The following WWTR1 variants were observed in gnomAD, a reference collection of about 807,000 sequenced individuals.
WWTR1 encodes the protein WW domain-containing transcription regulator protein 1.
A neutral mutation model predicts 40.1 loss-of-function variants in WWTR1; 13 were observed. The ratio of observed to expected loss-of-function variants is 0.32; its 90% CI spans 0.21 to 0.52. The LOEUF (loss-of-function observed/expected upper bound fraction) is 0.52. WWTR1 is among the 20% of genes least tolerant of loss of function. The probability of loss-of-function intolerance (pLI) is 0.97; values close to 1 mark genes in which losing one functional copy is unlikely to be tolerated. For synonymous variants in WWTR1, 230 were observed against 210.1 expected (o/e 1.09, Z -0.82); for missense variants, 436 against 523.1 (o/e 0.83, Z 1.63).
rs191804644 is a variant in WWTR1, at chr3:149,549,448, G to A, written c.569-6911C>T. Among the ~76,000 whole-genome samples the A allele has an allele frequency of 1.8e-4, 27 of 152,268 alleles. No homozygotes were observed. In the East Asian group the frequency reaches 4.6e-3, roughly 26 times the overall value. On this transcript the variant is annotated intron_variant, in intron 3 of 6. Coordinates refer to ENST00000360632, the MANE Select transcript of WWTR1 (RefSeq NM_015472.6). ...AATAGAAAGGCATCTTACAAAATAC[G>A]AAAGCAACACTCCTTAAAACTATTG...
At chr3:149,590,399 C>T (rs1328846141) in intron 2 of WWTR1, among the ~76,000 whole-genome samples, 1 of 152,082 alleles carries the variant, frequency 6.6e-6, no homozygotes, top group Non-Finnish European at 1.5e-5. Context: ...CCTGTAATCC[C>T]AGCACTTTGG....
At chr3:149,597,287 C>T (rs1739039391) in intron 2 of WWTR1, among the ~76,000 whole-genome samples, 1 of 151,834 alleles carries the variant, frequency 6.6e-6, no homozygotes, top group Admixed American at 6.6e-5. Flanking sequence ...TTCTCTATGC[C>T]TTAAGGATCC....
chr3:149,650,165 C>T (rs1712783396), intron 2 of WWTR1: 2 of 152,158 alleles, frequency 1.3e-5, no homozygotes, highest in Non-Finnish European at 2.9e-5. Context: ...AATGACAGTT[C>T]CAAATAGCAT....
upstream of WWTR1, among the ~76,000 whole-genome samples, chr3:149,703,813 A>G (rs1219778687): frequency 2.0e-5 from 3 of 152,162 alleles, no homozygotes; most frequent in Non-Finnish European, 4.4e-5. Flanking sequence ...CATGTGACAC[A>G]TCAGCTCCCC....
chr3:149,676,513 G>C (rs1714264611), intron 1 of WWTR1, among the ~76,000 whole-genome samples: 1 of 152,268 alleles, frequency 6.6e-6, no homozygotes, highest in African/African-American at 2.4e-5. Flanking sequence ...CCTGTCTGAT[G>C]ATGGTAAGCA....
intron 2 of WWTR1, among the ~76,000 whole-genome samples, chr3:149,616,102 A>T (rs1286183639): frequency 6.6e-6 from 1 of 152,178 alleles, no homozygotes; most frequent in Non-Finnish European, 1.5e-5. Flanking sequence ...TCAAATAAGC[A>T]TAAACATCCA....
chr3:149,573,000 A>T lies in WWTR1; in HGVS notation c.432T>A (p.Asn144Lys). 1 of 1,583,576 alleles carries T rather than the reference A, an allele frequency of 6.3e-7. No individual in the cohort carries two copies. Among genetic ancestry groups the T allele is most frequent in the Non-Finnish European group, 8.5e-7 (1 of 1,171,718 alleles). The part of the protein sequence containing the change: ...FTATGQRYFL[N>K]HIEKITTWQD... ...GCCATGTGGTGATTTTTTCTATGTG[A>T]CTAAAAGAAGGAAAACAATTAATTA... The change falls in exon 3 of 7, where the codon AAT becomes AAA. Residue 144 changes from asparagine to lysine, a missense_variant and splice_region_variant. Coordinates refer to ENST00000360632, the MANE Select transcript of WWTR1 (RefSeq NM_015472.6).
At chr3:149,642,133 G>A (rs903721042) in intron 2 of WWTR1, among the ~76,000 whole-genome samples, 10 of 152,104 alleles carry the variant, frequency 6.6e-5, no homozygotes, top group African/African-American at 2.2e-4. Context: ...TAAAATGTAC[G>A]AATGTGGCCG....
intron 2 of WWTR1, among the ~76,000 whole-genome samples, chr3:149,585,296 CT>C (rs1560072350): frequency 1.3e-5 from 2 of 152,242 alleles, no homozygotes; most frequent in East Asian, 3.9e-4. Flanking sequence ...CTACGCCAGG[CT>C]AATTTTTTTG....
rs182984796 is a variant in WWTR1 at position 149,684,749 on chromosome 3, A to G, written c.-107-14858T>C. On this transcript the variant is annotated intron_variant, in intron 1 of 7. Coordinates refer to the WWTR1 transcript ENST00000465804. ...CAGCTAATTTTTGTATTTTTTGTAG[A>G]GACGGGGTTTCACCATGTTGCTCAG... 2.6e-5 allele frequency among the ~76,000 whole-genome samples: 4 copies of G among 152,176 alleles called. No individual in the cohort carries two copies. The East Asian group carries it at 7.8e-4, about 29-fold the overall frequency.
chr3:149,566,825 A>C (rs992052117), intron 3 of WWTR1, among the ~76,000 whole-genome samples: 2 of 152,076 alleles, frequency 1.3e-5, no homozygotes, highest in South Asian at 2.1e-4. Context: ...AAAAAAAAAA[A>C]AACACACATG....
Position 149,542,429 on chromosome 3 carries a change from G to A in WWTR1, c.677C>T (p.Thr226Ile), listed in dbSNP as rs1159507123. 1.9e-6 allele frequency: 3 copies of A among 1,614,002 alleles called. No individual in the cohort carries two copies. The highest frequency in any genetic ancestry group is 2.2e-5 in the East Asian group (1 of 44,888). ...AGLMSMPNAL[T>I]TQQQQQQKLR... is the part of the protein sequence containing the mutation. ...TTTCTGCTGCTGCTGCTGCTGAGTG[G>A]TCAGCGCATTGGGCATACTCATGAG... Residue 226 changes from threonine to isoleucine, a missense_variant, in exon 4 of 7, where the codon ACC becomes ATC. Coordinates refer to ENST00000360632, the MANE Select transcript of WWTR1 (RefSeq NM_015472.6).
chr3:149,707,007 T>C (rs922712625), upstream of WWTR1, among the ~76,000 whole-genome samples: 3 of 152,142 alleles, frequency 2.0e-5, no homozygotes, highest in African/African-American at 4.8e-5. Context: ...GAATTTTCCA[T>C]ATTAATGTGT....
At chr3:149,567,875 C>A (rs1309497234) in intron 3 of WWTR1, among the ~76,000 whole-genome samples, 1 of 152,110 alleles carries the variant, frequency 6.6e-6, no homozygotes, top group African/African-American at 2.4e-5. Flanking sequence ...AAAACAGTCC[C>A]CACCCTCCAT....
At chr3:149,712,783 T>G (rs1473454788) in intron 5 of WWTR1, among the ~76,000 whole-genome samples, 1 of 152,188 alleles carries the variant, frequency 6.6e-6, no homozygotes, top group African/African-American at 2.4e-5. Context: ...TATTACTCAT[T>G]TTACTACTAG....
intron 5 of WWTR1, among the ~76,000 whole-genome samples, chr3:149,709,269 C>G (rs1715420441): frequency 1.3e-5 from 1 of 78,122 alleles, no homozygotes; most frequent in Non-Finnish European, 2.4e-5. Flanking sequence ...GCCATCATGT[C>G]TGGCCTTTTT....
At position 149,519,933 on chromosome 3, in the gene WWTR1, A is replaced by C. The variant is rs1350649462; in HGVS notation, c.*872T>G. On this transcript the variant is annotated 3_prime_UTR_variant, in exon 7 of 7. Coordinates refer to ENST00000360632, the MANE Select transcript of WWTR1 (RefSeq NM_015472.6). ...ATTCCAGCCTGGACAACAAGAGCAAAACTCGATCTCAAAAACAAACAAACA... is the reference window on the plus strand; with the variant it reads ...ATTCCAGCCTGGACAACAAGAGCAACACTCGATCTCAAAAACAAACAAACA... 1 of 151,864 alleles carries C rather than the reference A, an allele frequency of 6.6e-6. No individual in the cohort carries two copies. The highest frequency in any genetic ancestry group is 1.5e-5 in the Non-Finnish European group (1 of 67,940). 9.4% of individuals were successfully genotyped at this position (151,864 alleles called of 1,614,324 possible).
rs571569468 is a variant in WWTR1, at chr3:149,549,129, T to C, written c.569-6592A>G. ...CAAAATCATTTATGTAGACACACCA[T>C]GCTCAAAGGCCGGGGGGATGGGAGG... is the stretch of plus-strand genomic sequence containing the variant. On this transcript the variant is annotated intron_variant, in intron 3 of 6. Coordinates refer to ENST00000360632, the MANE Select transcript of WWTR1 (RefSeq NM_015472.6). Among the ~76,000 whole-genome samples, 83 of 152,338 alleles carry C rather than the reference T, an allele frequency of 5.4e-4. 1 individual carries two copies. Among genetic ancestry groups the C allele is most frequent in the Non-Finnish European group, 9.6e-4 (65 of 68,034 alleles).
chr3:149,690,968 G>A (rs1357825772), intron 1 of WWTR1, among the ~76,000 whole-genome samples: 1 of 152,074 alleles, frequency 6.6e-6, no homozygotes, highest in Non-Finnish European at 1.5e-5. Context: ...TAAACACATG[G>A]AAATTAAACA....
Sources: allele counts gnomAD v4.1 joint callset (sites outside exome capture counted in the v4.1 genomes callset), GRCh38; gene constraint gnomAD v4.1.1; transcripts MANE v1.5; gene names NCBI Gene and HGNC (gene_info 2026-07-23, HGNC 2026-07-21).